The following ACOXL variants were observed in gnomAD, a reference collection of about 807,000 sequenced individuals.
ACOXL encodes acyl-CoA oxidase like, also known as acyl-coenzyme A oxidase-like protein.
A neutral mutation model predicts 71.9 loss-of-function variants in ACOXL; 70 were observed. The ratio of observed to expected loss-of-function variants is 0.97; its 90% confidence interval spans 0.80 to 1.19. The LOEUF is 1.19. Among genes scored for constraint, ACOXL ranks in the 50% most tolerant of loss-of-function variants. The pLI is 0.00. For missense variants in ACOXL, 703 were observed against 736.3 expected (o/e 0.95, Z 0.52); for synonymous variants, 253 against 281.6 (o/e 0.90, Z 1.02).
chr2:110,744,557 G>A (rs72830976), intron 1 of ACOXL, among the ~76,000 whole-genome samples: 3,571 of 152,132 alleles, frequency 0.023, 67 homozygotes, highest in East Asian at 0.055. Flanking sequence ...CTTACTTCAC[G>A]TCCCCTCCCT....
intron 1 of ACOXL, among the ~76,000 whole-genome samples, chr2:110,750,508 C>T (rs1678786109): frequency 1.3e-5 from 2 of 151,428 alleles, no homozygotes; most frequent in African/African-American, 2.4e-5. Flanking sequence ...AAAGTTCTTA[C>T]TTAAGAAAAC....
At chr2:110,886,865 A>G (rs1300707579) in intron 10 of ACOXL, 4 of 1,550,578 alleles carry the variant, frequency 2.6e-6, no homozygotes, top group Non-Finnish European at 3.5e-6. Context: ...ATTTCCTGAA[A>G]ACTGGTTTTT....
intron 9 of ACOXL, among the ~76,000 whole-genome samples, chr2:110,814,011 T>G (rs1687640387): frequency 6.6e-6 from 1 of 152,178 alleles, no homozygotes; most frequent in African/African-American, 2.4e-5. Context: ...GGAGTGGCTT[T>G]GTAGTCCTCA....
chr2:110,747,597 C>CTGGAGGT (rs1678386026), intron 1 of ACOXL, among the ~76,000 whole-genome samples: 1 of 152,194 alleles, frequency 6.6e-6, no homozygotes, highest in African/African-American at 2.4e-5. Context: ...GATCACTTTC[C>CTGGAGGT]TGGAGGTTGG....
intron 9 of ACOXL, among the ~76,000 whole-genome samples, chr2:110,837,940 A>G (rs1459225288): frequency 6.6e-6 from 1 of 152,186 alleles, no homozygotes; most frequent in Non-Finnish European, 1.5e-5. Context: ...GGCCAGGGTC[A>G]GGGGCCAACC....
At chr2:111,050,488 AG>A (rs2066237924) in intron 16 of ACOXL, among the ~76,000 whole-genome samples, 1 of 152,184 alleles carries the variant, frequency 6.6e-6, no homozygotes, top group Non-Finnish European at 1.5e-5. Context: ...TTCCAGGTGC[AG>A]GCTGGCTTTC....
intron 10 of ACOXL, among the ~76,000 whole-genome samples, chr2:110,848,189 C>T (rs1335127307): frequency 2.6e-5 from 4 of 152,148 alleles, no homozygotes; most frequent in South Asian, 4.1e-4. Flanking sequence ...CTGAGGAGAC[C>T]GTTTTCCTCC....
chr2:111,020,321 C>A (rs2064688624), intron 14 of ACOXL, among the ~76,000 whole-genome samples: 1 of 152,168 alleles, frequency 6.6e-6, no homozygotes, highest in African/African-American at 2.4e-5. Flanking sequence ...GCAGCGCTCG[C>A]ATGGCAGCAT....
intron 9 of ACOXL, among the ~76,000 whole-genome samples, chr2:110,820,620 A>G (rs1035696325): frequency 1.3e-5 from 2 of 152,116 alleles, no homozygotes; most frequent in Non-Finnish European, 2.9e-5. Flanking sequence ...AGAGCGATAG[A>G]CTGAGGAGGA....
intron 12 of ACOXL, among the ~76,000 whole-genome samples, chr2:110,979,463 C>T (rs2062607056): frequency 6.6e-6 from 1 of 152,192 alleles, no homozygotes; most frequent in Admixed American, 6.5e-5. Context: ...CAGGACGGTG[C>T]CCGTGGCCCA....
chr2:110,844,789 C>T (rs539419974), intron 10 of ACOXL, among the ~76,000 whole-genome samples: 8 of 152,096 alleles, frequency 5.3e-5, no homozygotes, highest in Admixed American at 1.3e-4. Context: ...TCAAGGGATC[C>T]GCCCACTTTT....
At chr2:111,057,671 T>C (rs2066613568) in intron 16 of ACOXL, among the ~76,000 whole-genome samples, 1 of 152,218 alleles carries the variant, frequency 6.6e-6, no homozygotes, top group Admixed American at 6.5e-5. Context: ...ACACTTCGCC[T>C]AGCTCCTCCA....
At chr2:110,809,413 C>T (rs910024661) in intron 9 of ACOXL, among the ~76,000 whole-genome samples, 7 of 152,176 alleles carry the variant, frequency 4.6e-5, no homozygotes, top group Admixed American at 2.6e-4. Flanking sequence ...TTTTCAGGCA[C>T]GTGGGTGCTG....
intron 10 of ACOXL, among the ~76,000 whole-genome samples, chr2:110,851,155 C>T (rs746523388): frequency 9.2e-5 from 14 of 152,054 alleles, no homozygotes; most frequent in Admixed American, 5.9e-4. Context: ...TGGGGGTTGA[C>T]GGACAGATTC....
intron 17 of ACOXL, among the ~76,000 whole-genome samples, chr2:111,105,096 A>G (rs182978804): frequency 2.6e-5 from 4 of 152,196 alleles, no homozygotes; most frequent in East Asian, 1.9e-4. Flanking sequence ...TGAAAAGGCT[A>G]TATTTCCCAT....
At chr2:110,911,605 GA>G (rs571428631) in intron 11 of ACOXL, among the ~76,000 whole-genome samples, 2 of 151,642 alleles carry the variant, frequency 1.3e-5, no homozygotes. Context: ...TAGAATATGT[GA>G]AAAAAAACAT....
chr2:111,009,819 C>A (rs1217500160), intron 14 of ACOXL, among the ~76,000 whole-genome samples: 1 of 152,134 alleles, frequency 6.6e-6, no homozygotes, highest in African/African-American at 2.4e-5. Context: ...ATGTGGTAAA[C>A]TCATGCCTTA....
intron 1 of ACOXL, among the ~76,000 whole-genome samples, chr2:110,761,168 G>C (rs916953172): frequency 2.0e-5 from 3 of 152,128 alleles, no homozygotes; most frequent in Admixed American, 6.5e-5. Context: ...CAAAGAGCCA[G>C]CTTTTGGATT....
chr2:110,940,858 C>T (rs773346225), intron 12 of ACOXL, among the ~76,000 whole-genome samples: 3 of 152,144 alleles, frequency 2.0e-5, no homozygotes, highest in African/African-American at 7.2e-5. Flanking sequence ...ACTTAAGGAA[C>T]GTTCTTAGCA....
Sources: allele counts gnomAD v4.1 joint callset (sites outside exome capture counted in the v4.1 genomes callset), GRCh38; gene constraint gnomAD v4.1.1; transcripts MANE v1.5; gene names NCBI Gene and HGNC (gene_info 2026-07-23, HGNC 2026-07-21).